The following SERPINI2 variants were observed in gnomAD, a reference collection of about 807,000 sequenced individuals.
SERPINI2 encodes the protein serpin I2.
A neutral mutation model predicts 47.3 loss-of-function variants in SERPINI2; 48 were observed. The ratio of observed to expected loss-of-function variants is 1.02; its 90% confidence interval spans 0.81 to 1.29. The LOEUF (loss-of-function observed/expected upper bound fraction) is 1.29. Ranked by LOEUF, SERPINI2 falls within the 50% of genes most tolerant of loss-of-function variation. The probability of loss-of-function intolerance (pLI) is 0.00; values close to 1 mark genes in which losing one functional copy is unlikely to be tolerated. For missense variants in SERPINI2, 448 were observed against 456.9 expected (o/e 0.98, Z 0.18); for synonymous variants, 135 against 149.3 (o/e 0.90, Z 0.70).
intron 6 of SERPINI2, among the ~76,000 whole-genome samples, chr3:167,451,268 A>G (rs1397339913): frequency 2.0e-5 from 3 of 152,252 alleles, no homozygotes; most frequent in Non-Finnish European, 4.4e-5. Context: ...AGGAGTAGTA[A>G]CTGAGTGAGA....
chr3:167,458,322 C>A (rs1749865435), intron 5 of SERPINI2, among the ~76,000 whole-genome samples: 2 of 142,328 alleles, frequency 1.4e-5, no homozygotes. Flanking sequence ...ATGATCTGGG[C>A]TCTCTGCAAG....
chr3:167,473,470 T>TA (rs1307401425), intron 1 of SERPINI2, among the ~76,000 whole-genome samples: 2 of 151,650 alleles, frequency 1.3e-5, no homozygotes, highest in Non-Finnish European at 3.0e-5. Flanking sequence ...AAAATGTTAT[T>TA]AGTACCTTTA....
intron 5 of SERPINI2, 50 bp downstream of exon 5, chr3:167,465,156 C>G: frequency 6.8e-7 from 1 of 1,474,732 alleles, no homozygotes; most frequent in Non-Finnish European, 9.3e-7. Flanking sequence ...GCTCAAATTC[C>G]TATGTGAGTG....
chr3:167,449,521 G>T (rs1346305759), intron 6 of SERPINI2, 119 bp from the exon 7 acceptor site: 18 of 440,252 alleles, frequency 4.1e-5, no homozygotes, highest in African/African-American at 3.7e-4. Context: ...TTGAGATGGA[G>T]TCTTGCTCTG....
At chr3:167,467,611 T>G (rs1261179193) in intron 2 of SERPINI2, among the ~76,000 whole-genome samples, 1 of 152,236 alleles carries the variant, frequency 6.6e-6, no homozygotes, top group Non-Finnish European at 1.5e-5. Context: ...TTGAAATTTA[T>G]GTTTAGAATC....
intron 5 of SERPINI2, among the ~76,000 whole-genome samples, chr3:167,454,728 AAC>A (rs1391435202): frequency 6.6e-6 from 1 of 152,192 alleles, no homozygotes; most frequent in African/African-American, 2.4e-5. Flanking sequence ...CAGCAATAAA[AAC>A]ACATTCAGCC....
intron 1 of SERPINI2, chr3:167,473,692 TA>T: frequency 9.3e-7 from 1 of 1,073,678 alleles, no homozygotes; most frequent in Non-Finnish European, 1.3e-6. Flanking sequence ...AAGCACTTAA[TA>T]AATTATAACC....
At chr3:167,447,778 C>T (rs16851173) in intron 7 of SERPINI2, among the ~76,000 whole-genome samples, 6,769 of 152,236 alleles carry the variant, frequency 0.044, 502 homozygotes, top group African/African-American at 0.15. Flanking sequence ...CCAGCAATTT[C>T]ATCCAAATAT....
intron 5 of SERPINI2, among the ~76,000 whole-genome samples, chr3:167,461,430 G>A (rs565475527): frequency 6.6e-5 from 10 of 152,232 alleles, no homozygotes; most frequent in South Asian, 2.1e-4. Flanking sequence ...CTATAAAAAC[G>A]AAGATTCAAA....
intron 3 of SERPINI2, among the ~76,000 whole-genome samples, chr3:167,465,883 T>G (rs1750120835): frequency 6.6e-6 from 1 of 152,104 alleles, no homozygotes; most frequent in South Asian, 2.1e-4. Flanking sequence ...CACTACGAAA[T>G]TAGAAATATG....
At chr3:167,465,658 A>G (rs1750112435) in exon 4 of SERPINI2, 2 of 1,607,312 alleles carry the variant, frequency 1.2e-6, no homozygotes, top group Admixed American at 1.7e-5. Context: ...CCCTGAAAAC[A>G]TGTCTTTAAT....
At chr3:167,444,393 A>G (rs1246486533) in intron 8 of SERPINI2, among the ~76,000 whole-genome samples, 3 of 152,170 alleles carry the variant, frequency 2.0e-5, no homozygotes, top group Admixed American at 2.0e-4. Flanking sequence ...TGTTTGGATC[A>G]AAGAAAATTT....
chr3:167,448,680 G>A (rs151163290), intron 7 of SERPINI2, among the ~76,000 whole-genome samples: 4,997 of 152,162 alleles, frequency 0.033, 251 homozygotes, highest in African/African-American at 0.11. Flanking sequence ...CCGCCACCAC[G>A]CCCGGCTAAT....
At chr3:167,465,299 T>G (rs749222400) in exon 5 of SERPINI2, 2 of 1,613,096 alleles carry the variant, frequency 1.2e-6, no homozygotes, top group Admixed American at 1.7e-5. Flanking sequence ...TTCTTCTATA[T>G]CCATACCTTC....
At chr3:167,449,234 A>G (rs1256708980) in intron 7 of SERPINI2, 82 bp downstream of exon 7, 2 of 942,304 alleles carry the variant, frequency 2.1e-6, no homozygotes, top group Non-Finnish European at 3.5e-6. Flanking sequence ...AGAAGAGTAC[A>G]ATACTTCAAA....
intron 6 of SERPINI2, among the ~76,000 whole-genome samples, chr3:167,449,691 G>A (rs949619327): frequency 1.5e-4 from 14 of 93,048 alleles, no homozygotes; most frequent in East Asian, 1.4e-3. Flanking sequence ...GTGGGGTTTC[G>A]GCATGTTGGC....
chr3:167,463,164 A>G (rs568911721), intron 5 of SERPINI2, among the ~76,000 whole-genome samples: 18 of 152,182 alleles, frequency 1.2e-4, no homozygotes, highest in Middle Eastern at 3.4e-3. Context: ...CAAGAAAGTG[A>G]TCATTTCAAA....
At chr3:167,450,638 G>A (rs1409484131) in intron 6 of SERPINI2, among the ~76,000 whole-genome samples, 2 of 152,006 alleles carry the variant, frequency 1.3e-5, no homozygotes, top group Non-Finnish European at 2.9e-5. Flanking sequence ...CACACTATTA[G>A]TGTGAATTAA....
chr3:167,472,944 ATTAGGGGTAAAGATGAAAGCCT>A (rs1402955977), intron 1 of SERPINI2, among the ~76,000 whole-genome samples: 1 of 151,750 alleles, frequency 6.6e-6, no homozygotes, highest in Non-Finnish European at 1.5e-5. Context: ...GTAACCCTTA[ATTAGGGGTAAAGATGAAAGCCT>A]TTAGAATAGT....
Sources: allele counts gnomAD v4.1 joint callset (sites outside exome capture counted in the v4.1 genomes callset), GRCh38; gene constraint gnomAD v4.1.1; transcripts MANE v1.5; gene names NCBI Gene and HGNC (gene_info 2026-07-23, HGNC 2026-07-21).